ASIC2: variants seen among roughly 807,000 people sequenced by gnomAD.
ASIC2 encodes the protein acid sensing ion channel subunit 2.
Under a neutral mutation model 57.3 loss-of-function variants are expected in ASIC2, and 25 were observed. The observed-to-expected ratio is 0.44, with a 90% CI of 0.32 to 0.61. The LOEUF (loss-of-function observed/expected upper bound fraction) is 0.61, where lower values mean the gene tolerates loss of function less well. Ranked by LOEUF, ASIC2 falls within the 20% of genes least tolerant of loss-of-function variation. The probability of loss-of-function intolerance (pLI) is 0.06; values close to 1 mark genes in which losing one functional copy is unlikely to be tolerated. For synonymous variants in ASIC2, 319 were observed against 307.5 expected (o/e 1.04, Z -0.39); for missense variants, 641 against 738.1 (o/e 0.87, Z 1.52).
intron 1 of ASIC2, among the ~76,000 whole-genome samples, chr17:33,710,236 C>A (rs1344000637): frequency 6.6e-6 from 1 of 152,206 alleles, no homozygotes; most frequent in Non-Finnish European, 1.5e-5. Context: ...GCACAATTCC[C>A]ACCACAGGTA....
intron 1 of ASIC2, among the ~76,000 whole-genome samples, chr17:33,564,700 C>T (rs4794959): frequency 0.53 from 81,080 of 152,050 alleles, 23,009 homozygotes; most frequent in African/African-American, 0.74. Flanking sequence ...GCCCTAAAAC[C>T]GGCCATAAAC....
At chr17:33,192,415 A>C (rs1906461087) in intron 1 of ASIC2, among the ~76,000 whole-genome samples, 1 of 142,128 alleles carries the variant, frequency 7.0e-6, no homozygotes, top group Admixed American at 7.0e-5. Context: ...AAAACAAAAC[A>C]AAACAAAACA....
intron 1 of ASIC2, among the ~76,000 whole-genome samples, chr17:33,757,780 T>C (rs1042099817): frequency 6.6e-6 from 1 of 152,208 alleles, no homozygotes; most frequent in African/African-American, 2.4e-5. Flanking sequence ...CTGACACTTT[T>C]AGCCCCAAGA....
At chr17:33,582,203 A>G (rs1478100311) in intron 1 of ASIC2, among the ~76,000 whole-genome samples, 1 of 152,194 alleles carries the variant, frequency 6.6e-6, no homozygotes, top group Non-Finnish European at 1.5e-5. Context: ...ACTGTCACTT[A>G]GGGGAGGGAC....
At chr17:33,510,747 C>T (rs955110759) in intron 1 of ASIC2, among the ~76,000 whole-genome samples, 1 of 152,238 alleles carries the variant, frequency 6.6e-6, no homozygotes, top group African/African-American at 2.4e-5. Flanking sequence ...CTGGTGGCCA[C>T]TGCCAGTTCC....
intron 1 of ASIC2, among the ~76,000 whole-genome samples, chr17:33,517,744 A>C (rs1407154206): frequency 6.6e-6 from 1 of 151,638 alleles, no homozygotes; most frequent in East Asian, 1.9e-4. Context: ...GATATACCAA[A>C]TGTTAAATGA....
intron 1 of ASIC2, chr17:34,120,103 AT>A (rs1345910798): frequency 1.3e-5 from 2 of 152,132 alleles, no homozygotes; most frequent in Non-Finnish European, 2.9e-5. Flanking sequence ...TACTAACCAG[AT>A]TTGCCCCTGC....
intron 1 of ASIC2, among the ~76,000 whole-genome samples, chr17:33,122,355 C>T (rs1313262947): frequency 6.6e-6 from 1 of 152,112 alleles, no homozygotes; most frequent in African/African-American, 2.4e-5. Flanking sequence ...TCACCCATGA[C>T]ATGATGGATT....
At chr17:33,605,478 G>A (rs1237133182) in intron 1 of ASIC2, among the ~76,000 whole-genome samples, 1 of 152,130 alleles carries the variant, frequency 6.6e-6, no homozygotes, top group Non-Finnish European at 1.5e-5. Flanking sequence ...GAACCAAATG[G>A]ACAGATAGGA....
At chr17:33,872,929 G>T (rs1157135590) in intron 1 of ASIC2, among the ~76,000 whole-genome samples, 4 of 152,194 alleles carry the variant, frequency 2.6e-5, no homozygotes, top group African/African-American at 9.6e-5. Context: ...CAAGCCTGGG[G>T]TGGGAACTAG....
At chr17:33,302,209 T>C (rs1220986228) in intron 1 of ASIC2, among the ~76,000 whole-genome samples, 1 of 152,232 alleles carries the variant, frequency 6.6e-6, no homozygotes, top group Non-Finnish European at 1.5e-5. Flanking sequence ...TGCACACTTT[T>C]CTACCCAATT....
chr17:33,912,137 CAAAA>C (rs34408257), intron 1 of ASIC2, among the ~76,000 whole-genome samples: 592 of 49,454 alleles, frequency 0.012, 6 homozygotes, highest in African/African-American at 0.049. Context: ...GAGACTCCGT[CAAAA>C]AAAAAAAAAA....
At chr17:33,473,033 G>A (rs907044139) in intron 1 of ASIC2, among the ~76,000 whole-genome samples, 2 of 152,212 alleles carry the variant, frequency 1.3e-5, no homozygotes, top group African/African-American at 4.8e-5. Context: ...GAGTCAGCCG[G>A]GAGCACAGAG....
chr17:33,826,303 T>G (rs1251069709), intron 1 of ASIC2, among the ~76,000 whole-genome samples: 1 of 152,206 alleles, frequency 6.6e-6, no homozygotes, highest in African/African-American at 2.4e-5. Flanking sequence ...TGCATTTGTG[T>G]TTTGCCACCT....
At chr17:33,444,689 G>T (rs1383952977) in intron 1 of ASIC2, among the ~76,000 whole-genome samples, 1 of 152,136 alleles carries the variant, frequency 6.6e-6, no homozygotes, top group East Asian at 1.9e-4. Flanking sequence ...GGAAGGGAAT[G>T]CGGTAGGAGC....
At chr17:33,833,463 C>G (rs1356497751) in intron 1 of ASIC2, among the ~76,000 whole-genome samples, 1 of 152,004 alleles carries the variant, frequency 6.6e-6, no homozygotes, top group Admixed American at 6.6e-5. Flanking sequence ...ATAGTATACG[C>G]TGTTTTAATG....
intron 1 of ASIC2, among the ~76,000 whole-genome samples, chr17:34,126,244 AAGG>A (rs970974775): frequency 6.6e-6 from 1 of 152,178 alleles, no homozygotes; most frequent in African/African-American, 2.4e-5. Context: ...TGTAAGCAGA[AAGG>A]AAGTTTATTG....
intron 1 of ASIC2, among the ~76,000 whole-genome samples, chr17:33,323,467 C>A (rs911603613): frequency 1.3e-5 from 2 of 152,202 alleles, no homozygotes; most frequent in South Asian, 4.1e-4. Context: ...AATCCCAGCA[C>A]TTTGGGAGGC....
chr17:33,329,559 G>A (rs1280817191), intron 1 of ASIC2, among the ~76,000 whole-genome samples: 2 of 152,182 alleles, frequency 1.3e-5, no homozygotes, highest in African/African-American at 4.8e-5. Flanking sequence ...ACACAGCCAA[G>A]ATATCCAGTT....
Sources: gnomAD v4.1 joint callset for allele counts (sites outside exome capture counted in the v4.1 genomes callset) on GRCh38, gnomAD v4.1.1 for gene constraint, MANE v1.5 for transcripts, NCBI Gene and HGNC (gene_info 2026-07-23, HGNC 2026-07-21) for gene names.